HEMK2: variants seen among roughly 807,000 people sequenced by gnomAD.
HEMK2 encodes methyltransferase HEMK2.
chr21:28,589,905 AAC>A, the HEMK2 span, among the ~76,000 whole-genome samples: 51 of 152,302 alleles, frequency 3.3e-4, no homozygotes, highest in Admixed American at 7.9e-4. Flanking sequence ...TCAGGTGCAT[AAC>A]ACACAGTTTT....
chr21:28,667,377 G>A, the HEMK2 span, among the ~76,000 whole-genome samples: 2 of 151,984 alleles, frequency 1.3e-5, no homozygotes, highest in African/African-American at 2.4e-5. Flanking sequence ...TTAGAATATG[G>A]GAAAAAAGTA....
chr21:28,634,076 G>A, the HEMK2 span, among the ~76,000 whole-genome samples: 1 of 152,130 alleles, frequency 6.6e-6, no homozygotes, highest in African/African-American at 2.4e-5. Flanking sequence ...TGGCGTCACT[G>A]CCATTCTGAA....
At chr21:28,838,966 AAAAAAAATATATATATATATAT>A in the HEMK2 span, among the ~76,000 whole-genome samples, 1 of 49,422 alleles carries the variant, frequency 2.0e-5, no homozygotes, top group Admixed American at 2.4e-4. Flanking sequence ...AAAAAAAAAA[AAAAAAAATATATATATATATAT>A]ATATATATAT....
At chr21:28,830,209 T>G in the HEMK2 span, among the ~76,000 whole-genome samples, 1 of 152,176 alleles carries the variant, frequency 6.6e-6, no homozygotes, top group African/African-American at 2.4e-5. Context: ...CACTCAAATC[T>G]CATGTCAAAC....
the HEMK2 span, among the ~76,000 whole-genome samples, chr21:28,767,637 A>C: frequency 6.6e-6 from 1 of 152,106 alleles, no homozygotes; most frequent in Non-Finnish European, 1.5e-5. Context: ...AAATGACTTT[A>C]CTGGAATCCG....
chr21:28,877,124 G>A, the HEMK2 span, among the ~76,000 whole-genome samples: 1 of 66,112 alleles, frequency 1.5e-5, no homozygotes, highest in East Asian at 3.1e-4. Flanking sequence ...ACAGAAGGAA[G>A]AAAAAAAGAG....
chr21:28,817,831 C>CCCATGAGTCCTTCCATGAGTAAGG, the HEMK2 span, among the ~76,000 whole-genome samples: 1 of 152,174 alleles, frequency 6.6e-6, no homozygotes, highest in Non-Finnish European at 1.5e-5. Context: ...GCTTCCCATT[C>CCCATGAGTCCTTCCATGAGTAAGG]ACTAGCTGTA....
the HEMK2 span, among the ~76,000 whole-genome samples, chr21:28,601,596 C>G: frequency 7.0e-6 from 1 of 142,474 alleles, no homozygotes; most frequent in African/African-American, 2.6e-5. Flanking sequence ...CATTAGTCAC[C>G]TTCTGACATC....
the HEMK2 span, among the ~76,000 whole-genome samples, chr21:28,592,735 T>C: frequency 3.0e-3 from 464 of 152,336 alleles, 3 homozygotes; most frequent in African/African-American, 0.011. Flanking sequence ...AAACACGGCA[T>C]CAGAGGAGGA....
the HEMK2 span, among the ~76,000 whole-genome samples, chr21:28,870,753 A>G: frequency 6.6e-6 from 1 of 152,188 alleles, no homozygotes; most frequent in African/African-American, 2.4e-5. Flanking sequence ...AATTTTGTAA[A>G]TGTATGGGGA....
the HEMK2 span, among the ~76,000 whole-genome samples, chr21:28,710,504 CAT>C: frequency 6.6e-6 from 1 of 152,158 alleles, no homozygotes; most frequent in Non-Finnish European, 1.5e-5. Context: ...ATACTTTCTC[CAT>C]ATGTGTGTGG....
chr21:28,880,487 T>A, the HEMK2 span, among the ~76,000 whole-genome samples: 1 of 152,126 alleles, frequency 6.6e-6, no homozygotes, highest in Non-Finnish European at 1.5e-5. Context: ...ATCCCAGCAC[T>A]TTAGGAGGCC....
At chr21:28,742,140 G>A in the HEMK2 span, among the ~76,000 whole-genome samples, 1 of 152,110 alleles carries the variant, frequency 6.6e-6, no homozygotes, top group Non-Finnish European at 1.5e-5. Context: ...CTGCTTTCAG[G>A]GTAAAATGGC....
the HEMK2 span, among the ~76,000 whole-genome samples, chr21:28,789,234 C>T: frequency 6.6e-6 from 1 of 152,104 alleles, no homozygotes; most frequent in Non-Finnish European, 1.5e-5. Flanking sequence ...ATGTGGCAAC[C>T]TTGGTAATAG....
chr21:28,729,867 A>G, the HEMK2 span, among the ~76,000 whole-genome samples: 3 of 152,170 alleles, frequency 2.0e-5, no homozygotes, highest in Non-Finnish European at 4.4e-5. Flanking sequence ...TCCCTTGCCC[A>G]GTTTTTCTAA....
chr21:28,681,923 T>C, the HEMK2 span, among the ~76,000 whole-genome samples: 1 of 152,194 alleles, frequency 6.6e-6, no homozygotes, highest in Non-Finnish European at 1.5e-5. Flanking sequence ...AAGACTTATA[T>C]GTTAGACCTA....
At chr21:28,861,389 C>T in the HEMK2 span, among the ~76,000 whole-genome samples, 1 of 152,180 alleles carries the variant, frequency 6.6e-6, no homozygotes, top group African/African-American at 2.4e-5. Flanking sequence ...TGATAGGAAG[C>T]CTACTGCATT....
the HEMK2 span, among the ~76,000 whole-genome samples, chr21:28,777,580 T>C: frequency 3.7e-3 from 568 of 152,256 alleles, 5 homozygotes; most frequent in Admixed American, 0.01. Flanking sequence ...GACACCAGGA[T>C]GAAATCAAGT....
chr21:28,786,460 C>A, the HEMK2 span, among the ~76,000 whole-genome samples: 1 of 152,138 alleles, frequency 6.6e-6, no homozygotes, highest in Non-Finnish European at 1.5e-5. Flanking sequence ...TACCTGAAGT[C>A]AGCAGTTAGA....
Sources: allele counts gnomAD v4.1 joint callset (sites outside exome capture counted in the v4.1 genomes callset), GRCh38; gene constraint gnomAD v4.1.1; transcripts MANE v1.5; gene names NCBI Gene and HGNC (gene_info 2026-07-23, HGNC 2026-07-21).